SLC35A3: variants seen among roughly 807,000 people sequenced by gnomAD.
SLC35A3 encodes solute carrier family 35 member A3.
Under a neutral mutation model 39.0 loss-of-function variants are expected in SLC35A3, and 26 were observed. The observed-to-expected ratio is 0.67, with a 90% CI of 0.49 to 0.92. The LOEUF is 0.92. SLC35A3 is among the 40% of genes least tolerant of loss of function. The pLI, the probability that SLC35A3 is intolerant of heterozygous loss-of-function variation, is 0.00. For missense variants in SLC35A3, 299 were observed against 371.6 expected (o/e 0.80, Z 1.61); for synonymous variants, 135 against 133.1 (o/e 1.01, Z -0.10).
chr1:100,025,794 C>G lies in SLC35A3; in HGVS notation c.*3318C>G, dbSNP rs890224953. 1 of 152,050 alleles carries G rather than the reference C, an allele frequency of 6.6e-6. No homozygotes were observed. The highest frequency in any genetic ancestry group is 1.5e-5 in the Non-Finnish European group (1 of 67,994). The allele number at this position is 152,050 out of a possible 1,614,324, so 9.4% of individuals were successfully genotyped here. On this transcript the variant is annotated 3_prime_UTR_variant, in exon 8 of 8. Coordinates refer to ENST00000533028, the MANE Select transcript of SLC35A3 (RefSeq NM_012243.3). ...AATTCCTATACTTTTTATTTGTTAT[C>G]ACGCAACTACTTTGTTCAATGTGAA...
At chr1:99,981,951 A>C (rs1346932694) in intron 1 of SLC35A3, among the ~76,000 whole-genome samples, 1 of 152,080 alleles carries the variant, frequency 6.6e-6, no homozygotes, top group Non-Finnish European at 1.5e-5. Flanking sequence ...ACTGGAAATA[A>C]GTCTGTAGTA....
In SLC35A3 at chr1:100,030,469, A is replaced by T. The variant is rs576076529; in HGVS notation, c.*7993A>T. The T allele has an allele frequency of 3.1e-4, 47 of 152,354 alleles. No individual in the cohort carries two copies. The highest frequency in any genetic ancestry group is 3.4e-3 in the Middle Eastern group (1 of 294). 9.4% of individuals were successfully genotyped at this position (152,354 alleles called of 1,614,324 possible). The stretch of plus-strand genomic sequence containing the variant: ...AATTTGTAAACTTTCTTAAAACAGT[A>T]TGAGATTTTTTTGCAATTTTTTAAA... On this transcript the variant is annotated 3_prime_UTR_variant, in exon 8 of 8. Coordinates refer to ENST00000533028, the MANE Select transcript of SLC35A3 (RefSeq NM_012243.3).
intron 1 of SLC35A3, among the ~76,000 whole-genome samples, chr1:99,972,906 T>A (rs1204127208): frequency 6.6e-6 from 1 of 152,210 alleles, no homozygotes. Flanking sequence ...GATAAGAATA[T>A]TAAAGTTCAG....
rs543184552 is a variant in SLC35A3, at chr1:100,015,548, T to C, written c.753+128T>C. ...CCTGTTAGTGCTCTCGTATCTAGTT[T>C]ATTCAAGGAAGTGAAAATAGAAGTG... On this transcript the variant is annotated intron_variant, in intron 6 of 7. Transcript: ENST00000533028. The C allele has an allele frequency of 1.3e-5, 13 of 1,010,798 alleles. No individual in the cohort carries two copies. The South Asian group carries it at 3.1e-4, about 24-fold the overall frequency. 62.6% of individuals were successfully genotyped at this position (1,010,798 alleles called of 1,614,324 possible). A position where few individuals can be genotyped will look rare whatever the true frequency, so the allele number is the denominator to read the frequency against.
intron 2 of SLC35A3, among the ~76,000 whole-genome samples, chr1:99,998,119 A>G (rs1658531448): frequency 6.7e-6 from 1 of 149,226 alleles, no homozygotes; most frequent in Non-Finnish European, 1.5e-5. Context: ...GCCAGAGCTA[A>G]TCTGGTTTGT....
In SLC35A3 at chr1:100,025,283, GTTAC is replaced by G. The variant is rs1021649041; in HGVS notation, c.*2811_*2814del. ...TTAGCTCACATTGAAGTATTGGTTG[GTTAC>G]TTATGTATTAATGCAGTGTGCATTC... On this transcript the variant is annotated 3_prime_UTR_variant, in exon 8 of 8. Transcript: ENST00000533028. 1.3e-5 allele frequency: 2 copies of G among 152,182 alleles called. No homozygotes were observed. The highest frequency in any genetic ancestry group is 4.8e-5 in the African/African-American group (2 of 41,456). 9.4% of individuals were successfully genotyped at this position (152,182 alleles called of 1,614,324 possible).
chr1:99,978,320 C>T (rs1657243355), intron 1 of SLC35A3, among the ~76,000 whole-genome samples: 1 of 152,076 alleles, frequency 6.6e-6, no homozygotes, highest in Non-Finnish European at 1.5e-5. Context: ...GAGCCTGAGA[C>T]CAGCCTGGGC....
At chr1:99,970,345 G>T in intron 1 of SLC35A3, 183 bp downstream of exon 1, 1 of 583,360 alleles carries the variant, frequency 1.7e-6, no homozygotes, top group Non-Finnish European at 3.1e-6. Flanking sequence ...AGGGGTGGGA[G>T]CAGATGAGGT....
intron 4 of SLC35A3, chr1:100,009,058 A>C (rs1436556560): frequency 6.6e-6 from 1 of 152,204 alleles, no homozygotes; most frequent in Non-Finnish European, 1.5e-5. Context: ...AAAGGTAATA[A>C]TTATAATGAA....
At chr1:99,979,927 C>G (rs879399126) in intron 1 of SLC35A3, among the ~76,000 whole-genome samples, 11 of 151,618 alleles carry the variant, frequency 7.3e-5, no homozygotes, top group Non-Finnish European at 1.5e-4. Flanking sequence ...GCCTATAATC[C>G]CAGCTACTCG....
chr1:99,986,450 A>G (rs895799374), intron 1 of SLC35A3, among the ~76,000 whole-genome samples: 1 of 152,058 alleles, frequency 6.6e-6, no homozygotes, highest in Admixed American at 6.6e-5. Context: ...TTCAACTTTT[A>G]AAAACATACA....
chr1:99,983,188 G>A (rs1236619956), intron 1 of SLC35A3, among the ~76,000 whole-genome samples: 2 of 152,122 alleles, frequency 1.3e-5, no homozygotes, highest in African/African-American at 4.8e-5. Context: ...GTGGGTGTGT[G>A]TGTGTGTTTC....
At chr1:99,976,068 TCCAAAAAAACC>T (rs1292770712) in intron 1 of SLC35A3, among the ~76,000 whole-genome samples, 4 of 151,470 alleles carry the variant, frequency 2.6e-5, no homozygotes, top group Non-Finnish European at 5.9e-5. Flanking sequence ...TCAAAAAAAC[TCCAAAAAAACC>T]CCAAAAATAA....
intron 7 of SLC35A3, 94 bp from the exon 8 acceptor site, chr1:100,022,292 A>T: frequency 1.6e-6 from 1 of 628,348 alleles, no homozygotes. Flanking sequence ...ATTTTTCCCC[A>T]CATTATAATT....
rs530224350 is a variant in SLC35A3, at chr1:100,016,530, A to C, written c.753+1110A>C. On this transcript the variant is annotated intron_variant, in intron 6 of 7. Coordinates refer to ENST00000533028, the MANE Select transcript of SLC35A3 (RefSeq NM_012243.3). Reference sequence around the variant, plus strand: ...CTGGGACTACAGGCGCCCGCCACCAAGCCCAGCTAATTTTTTGTATTTTTA... The same window carrying C: ...CTGGGACTACAGGCGCCCGCCACCACGCCCAGCTAATTTTTTGTATTTTTA... Among the ~76,000 whole-genome samples the C allele has an allele frequency of 4.3e-4, 65 of 150,236 alleles. No individual in the cohort carries two copies. The South Asian group carries it at 0.01, about 24-fold the overall frequency.
At chr1:99,974,292 A>G (rs548320528) in intron 1 of SLC35A3, among the ~76,000 whole-genome samples, 169 of 152,332 alleles carry the variant, frequency 1.1e-3, no homozygotes, top group African/African-American at 3.8e-3. Context: ...TATTTGATTT[A>G]TATTCCTTAA....
At chr1:99,970,443 T>A in intron 1 of SLC35A3, 1 of 791,968 alleles carries the variant, frequency 1.3e-6, no homozygotes, top group Non-Finnish European at 2.0e-6. Context: ...GTCAAGCGAA[T>A]GAAGACGGCA....
rs1480261102 is a variant in SLC35A3, at chr1:100,035,467, A to G, written c.*12991A>G. ...GCCTGGGACATTCTGGACATTTAGT[A>G]TGTGTTAAATTTCTCTTACTACATT... On this transcript the variant is annotated 3_prime_UTR_variant, in exon 8 of 8. Transcript: ENST00000533028. 6.6e-6 allele frequency: 1 copy of G among 152,200 alleles called. No individual in the cohort carries two copies. The highest frequency in any genetic ancestry group is 1.5e-5 in the Non-Finnish European group (1 of 68,040). 9.4% of individuals were successfully genotyped at this position (152,200 alleles called of 1,614,324 possible). A position where few individuals can be genotyped will look rare whatever the true frequency, so the allele number is the denominator to read the frequency against.
intron 4 of SLC35A3, 185 bp downstream of exon 4, chr1:100,007,341 G>A: frequency 4.2e-6 from 2 of 472,818 alleles, no homozygotes; most frequent in Non-Finnish European, 7.3e-6. Flanking sequence ...GTAATACAGA[G>A]GAATTAATCA....
Sources: allele counts gnomAD v4.1 joint callset (sites outside exome capture counted in the v4.1 genomes callset), GRCh38; gene constraint gnomAD v4.1.1; transcripts MANE v1.5; gene names NCBI Gene and HGNC (gene_info 2026-07-23, HGNC 2026-07-21).